The following PAX5 variants were observed in gnomAD, a reference collection of about 807,000 sequenced individuals.
PAX5 encodes paired box protein Pax-5.
In PAX5, 9 loss-of-function variants were observed where a neutral mutation model predicts 43.7. That is an observed-to-expected ratio of 0.21 (90% CI 0.12 to 0.36). The LOEUF is 0.36. Ranked by LOEUF, PAX5 falls within the 10% of genes least tolerant of loss-of-function variation. PAX5 has a pLI of 1.00. For missense variants in PAX5, 383 were observed against 532.7 expected (o/e 0.72, Z 2.77); for synonymous variants, 228 against 214.3 (o/e 1.06, Z -0.56).
chr9:36,889,799 C>G (rs115840567), intron 7 of PAX5, among the ~76,000 whole-genome samples: 1 of 152,222 alleles, frequency 6.6e-6, no homozygotes, highest in Non-Finnish European at 1.5e-5. Context: ...TGCTTCTCTT[C>G]GCATCAGCGT....
chr9:36,996,271 C>G (rs937053015), intron 5 of PAX5, among the ~76,000 whole-genome samples: 1 of 152,240 alleles, frequency 6.6e-6, no homozygotes, highest in African/African-American at 2.4e-5. Flanking sequence ...GGGGCCACGC[C>G]CTTGGCAGCT....
rs554287523 is a variant in PAX5 at position 36,985,275 on chromosome 9, G to A, written c.604+17373C>T. Among the ~76,000 whole-genome samples, 32 of 152,292 alleles carry A rather than the reference G, an allele frequency of 2.1e-4. 1 individual carries two copies. The South Asian group carries it at 6.4e-3, about 31-fold the overall frequency. On this transcript the variant is annotated intron_variant, in intron 5 of 9. Coordinates refer to ENST00000358127, the MANE Select transcript of PAX5 (RefSeq NM_016734.3). The stretch of plus-strand genomic sequence containing the variant: ...TGCCAACTCTGAGCACATAGCAGGT[G>A]CCTGCCACACACTCATCACACGGGT...
At position 36,998,457 on chromosome 9, in the gene PAX5, G is replaced by A. The variant is rs567486174; in HGVS notation, c.604+4191C>T. ...AGTAGAGGTCCCTCCACTCACCCTC[G>A]TTACTAATTGTGAACCCTCTAAAGG... On this transcript the variant is annotated intron_variant, in intron 5 of 9. Transcript: ENST00000358127. Among the ~76,000 whole-genome samples, 5 of 152,230 alleles carry A rather than the reference G, an allele frequency of 3.3e-5. No individual in the cohort carries two copies. In the South Asian group the frequency reaches 1.0e-3, roughly 32 times the overall value.
chr9:36,835,400 C>A lies in PAX5; in HGVS notation c.*5160G>T, dbSNP rs957564379. On this transcript the variant is annotated 3_prime_UTR_variant, in exon 10 of 10. Transcript: ENST00000358127. ...AGAAGCTGTTGCCTCATCAGGGGAG[C>A]AGGCAGGCAAGGGGCTCACAGCCTG... 1 of 232,648 alleles carries A rather than the reference C, an allele frequency of 4.3e-6. No individual in the cohort carries two copies. The highest frequency in any genetic ancestry group is 8.5e-6 in the Non-Finnish European group (1 of 117,734). 14.4% of individuals were successfully genotyped at this position (232,648 alleles called of 1,614,324 possible).
chr9:36,948,259 C>T (rs566480356), intron 6 of PAX5, among the ~76,000 whole-genome samples: 24 of 152,322 alleles, frequency 1.6e-4, no homozygotes, highest in Non-Finnish European at 8.8e-5. Context: ...ACAGGTGCAG[C>T]CCGACCATAA....
intron 1 of PAX5, among the ~76,000 whole-genome samples, chr9:37,027,982 G>A (rs1840605763): frequency 6.6e-6 from 1 of 152,260 alleles, no homozygotes; most frequent in Non-Finnish European, 1.5e-5. Context: ...AGGGGCCCAC[G>A]CAGTGCCTGG....
At chr9:36,936,219 G>A (rs1390308392) in intron 6 of PAX5, among the ~76,000 whole-genome samples, 1 of 152,214 alleles carries the variant, frequency 6.6e-6, no homozygotes, top group Non-Finnish European at 1.5e-5. Flanking sequence ...CAGTGGCCCA[G>A]GACCCGGTAG....
chr9:37,013,245 G>A (rs1839101471), intron 3 of PAX5, among the ~76,000 whole-genome samples: 1 of 152,180 alleles, frequency 6.6e-6, no homozygotes, highest in South Asian at 2.1e-4. Flanking sequence ...GAGCTAAGAA[G>A]CACTGCCCCT....
Position 36,893,793 on chromosome 9 carries a change from G to A in PAX5, c.911-11688C>T, listed in dbSNP as rs549651578. On this transcript the variant is annotated intron_variant, in intron 7 of 9. Transcript: ENST00000358127. ...CCACTTACAGACGTGCAGAGCCTTCGCTACTGTATCGGCGAGGTTCAGTAA... is the reference window on the plus strand; with the variant it reads ...CCACTTACAGACGTGCAGAGCCTTCACTACTGTATCGGCGAGGTTCAGTAA... 1.1e-4 allele frequency among the ~76,000 whole-genome samples: 16 copies of A among 152,332 alleles called. 1 individual carries two copies. The highest frequency in any genetic ancestry group is 3.1e-4 in the African/African-American group (13 of 41,584).
At chr9:36,962,006 G>T (rs1286423937) in intron 6 of PAX5, among the ~76,000 whole-genome samples, 1 of 152,202 alleles carries the variant, frequency 6.6e-6, no homozygotes, top group Non-Finnish European at 1.5e-5. Flanking sequence ...AGGGCAAAGC[G>T]TTTACTACAT....
Position 36,839,446 on chromosome 9 carries a change from G to C in PAX5, c.*1114C>G, listed in dbSNP as rs1485843847. ...GTCTGCCCCGAGAGGATGCTCAGAA[G>C]TTCTGGCTGTAGGCTGTTTGTGATC... On this transcript the variant is annotated 3_prime_UTR_variant, in exon 10 of 10. Coordinates refer to ENST00000358127, the MANE Select transcript of PAX5 (RefSeq NM_016734.3). 1 of 233,452 alleles carries C rather than the reference G, an allele frequency of 4.3e-6. No individual in the cohort carries two copies. Among genetic ancestry groups the C allele is most frequent in the Non-Finnish European group, 8.5e-6 (1 of 118,238 alleles). The allele number at this position is 233,452 out of a possible 1,614,324, so 14.5% of individuals were successfully genotyped here.
At chr9:36,867,461 CT>C (rs1294088820) in intron 8 of PAX5, among the ~76,000 whole-genome samples, 6 of 152,170 alleles carry the variant, frequency 3.9e-5, no homozygotes, top group Admixed American at 3.9e-4. Flanking sequence ...GTTTTCACCT[CT>C]GTAAAAGGGG....
intron 5 of PAX5, among the ~76,000 whole-genome samples, chr9:36,995,874 C>G (rs959288001): frequency 1.3e-5 from 2 of 152,194 alleles, no homozygotes; most frequent in East Asian, 1.9e-4. Flanking sequence ...CCTCCACCCC[C>G]CTGTGCTCCC....
At chr9:36,905,216 G>A (rs754806973) in intron 7 of PAX5, among the ~76,000 whole-genome samples, 9 of 152,298 alleles carry the variant, frequency 5.9e-5, no homozygotes, top group Admixed American at 2.0e-4. Context: ...CTTTCCTGCC[G>A]GGGAGGCCGG....
At chr9:36,843,822 G>A (rs754352607) in intron 9 of PAX5, among the ~76,000 whole-genome samples, 1 of 152,332 alleles carries the variant, frequency 6.6e-6, no homozygotes, top group African/African-American at 2.4e-5. Flanking sequence ...GGTGGCAAAG[G>A]CATCCAGCTT....
chr9:36,871,058 C>T (rs1825439576), intron 8 of PAX5, among the ~76,000 whole-genome samples: 1 of 152,232 alleles, frequency 6.6e-6, no homozygotes, highest in African/African-American at 2.4e-5. Flanking sequence ...GACTCAACCA[C>T]AAAACAGAGG....
chr9:36,919,969 G>T (rs971315662), intron 7 of PAX5, among the ~76,000 whole-genome samples: 37 of 151,422 alleles, frequency 2.4e-4, no homozygotes, highest in Admixed American at 7.2e-4. Context: ...GGCTGAAAAT[G>T]ACTCACTTCA....
At chr9:36,881,291 C>T (rs1231259427) in intron 8 of PAX5, among the ~76,000 whole-genome samples, 1 of 152,118 alleles carries the variant, frequency 6.6e-6, no homozygotes, top group Non-Finnish European at 1.5e-5. Flanking sequence ...TAACAACATC[C>T]AGTGGAGGCC....
chr9:36,936,559 A>C (rs1170032727), intron 6 of PAX5, among the ~76,000 whole-genome samples: 3 of 152,188 alleles, frequency 2.0e-5, no homozygotes, highest in Non-Finnish European at 4.4e-5. Context: ...TGAGGGGTCC[A>C]AAGGGAGGAT....
Sources: allele counts gnomAD v4.1 joint callset (sites outside exome capture counted in the v4.1 genomes callset), GRCh38; gene constraint gnomAD v4.1.1; transcripts MANE v1.5; gene names NCBI Gene and HGNC (gene_info 2026-07-23, HGNC 2026-07-21).